The following IQCJ variants were observed in gnomAD, a reference collection of about 807,000 sequenced individuals.
The protein encoded by IQCJ is IQ motif containing J.
IQCJ carries 9 observed loss-of-function variants against 11.0 expected under a neutral mutation model. That is an observed-to-expected ratio of 0.82 (90% confidence interval 0.49 to 1.43). IQCJ has a LOEUF of 1.43. IQCJ is among the 40% of genes most tolerant of loss of function. IQCJ has a pLI of 0.00. For missense variants in IQCJ, 146 were observed against 133.2 expected (o/e 1.10, Z -0.47); for synonymous variants, 55 against 51.3 (o/e 1.07, Z -0.31).
intron 1 of IQCJ, among the ~76,000 whole-genome samples, chr3:159,156,972 T>TA (rs1252315117): frequency 6.6e-6 from 1 of 152,222 alleles, no homozygotes; most frequent in Non-Finnish European, 1.5e-5. Context: ...TGGCTGTTTT[T>TA]ACCAATGGAC....
At position 159,089,646 on chromosome 3, in the gene IQCJ, C is replaced by T. The variant is rs1029081215; in HGVS notation, c.9+20205C>T. On this transcript the variant is annotated intron_variant, in intron 1 of 3. Coordinates refer to ENST00000397832, the MANE Select transcript of IQCJ (RefSeq NM_001042706.3). ...TTTTATTCTTTTTTCTCTAAACTTC[C>T]CTTCTCGCTTCATTTCATTCATTTC... is the stretch of plus-strand genomic sequence containing the variant. Among the ~76,000 whole-genome samples, 11 of 151,720 alleles carry T rather than the reference C, an allele frequency of 7.3e-5. 2 individuals carry two copies. Among genetic ancestry groups the T allele is most frequent in the African/African-American group, 2.2e-4 (9 of 41,120 alleles).
chr3:159,212,211 A>T (rs1724996054), intron 1 of IQCJ, among the ~76,000 whole-genome samples: 1 of 151,974 alleles, frequency 6.6e-6, no homozygotes, highest in African/African-American at 2.4e-5. Flanking sequence ...ATAAATTCTG[A>T]GCTATCTTTT....
At chr3:159,135,786 GC>G (rs995062689) in intron 1 of IQCJ, among the ~76,000 whole-genome samples, 1 of 152,166 alleles carries the variant, frequency 6.6e-6, no homozygotes, top group Non-Finnish European at 1.5e-5. Flanking sequence ...GGGAAACTTA[GC>G]AGCAGTTTCT....
At chr3:159,162,939 C>T (rs1443902415) in intron 1 of IQCJ, among the ~76,000 whole-genome samples, 1 of 152,128 alleles carries the variant, frequency 6.6e-6, no homozygotes, top group Non-Finnish European at 1.5e-5. Context: ...CAGTAGCTTA[C>T]CAACTAAAAA....
intron 1 of IQCJ, among the ~76,000 whole-genome samples, chr3:159,177,897 G>A (rs4513505): frequency 1.3e-5 from 2 of 152,152 alleles, no homozygotes; most frequent in Non-Finnish European, 2.9e-5. Flanking sequence ...CCTCAATTTA[G>A]TTCAACTCAA....
rs13314232 is a variant in IQCJ at position 159,153,285 on chromosome 3, G to A, written c.9+83844G>A. On this transcript the variant is annotated intron_variant, in intron 1 of 3. Transcript: ENST00000397832. ...GGCAGATTAAGAAACTTTCCTGTAG[G>A]AGCTCTGTTAGCCAACTTTCCCTTA... Among the ~76,000 whole-genome samples, 2 of 151,964 alleles carry A rather than the reference G, an allele frequency of 1.3e-5. 1 individual carries two copies. The highest frequency in any genetic ancestry group is 4.8e-5 in the African/African-American group (2 of 41,412).
intron 1 of IQCJ, among the ~76,000 whole-genome samples, chr3:159,237,652 C>T (rs1357932108): frequency 6.6e-6 from 1 of 152,158 alleles, no homozygotes; most frequent in South Asian, 2.1e-4. Context: ...CTGGATTGTA[C>T]TTGAATAATT....
At chr3:159,109,539 A>AAAAAAAC (rs1355325556) in intron 1 of IQCJ, among the ~76,000 whole-genome samples, 1 of 151,340 alleles carries the variant, frequency 6.6e-6, no homozygotes, top group Non-Finnish European at 1.5e-5. Flanking sequence ...AAAAAAAAAA[A>AAAAAAAC]AAAAAAACCA....
chr3:159,217,870 C>G (rs1725319843), intron 1 of IQCJ, among the ~76,000 whole-genome samples: 1 of 152,142 alleles, frequency 6.6e-6, no homozygotes, highest in Non-Finnish European at 1.5e-5. Flanking sequence ...AGAGCCTGTT[C>G]TTCCTTCTAG....
At chr3:159,200,061 A>G (rs1724225830) in intron 1 of IQCJ, among the ~76,000 whole-genome samples, 1 of 115,406 alleles carries the variant, frequency 8.7e-6, no homozygotes, top group Non-Finnish European at 1.8e-5. Flanking sequence ...TCTAAATTAT[A>G]TATATATGTG....
chr3:159,218,511 T>G (rs1445012969), intron 1 of IQCJ, among the ~76,000 whole-genome samples: 2 of 152,154 alleles, frequency 1.3e-5, no homozygotes, highest in African/African-American at 4.8e-5. Context: ...AGAAGTTTTT[T>G]GAACCAGTTT....
At chr3:159,083,718 T>C (rs926672509) in intron 1 of IQCJ, among the ~76,000 whole-genome samples, 2 of 152,160 alleles carry the variant, frequency 1.3e-5, no homozygotes, top group East Asian at 1.9e-4. Context: ...CAGTATACTT[T>C]AATGTGTGAC....
chr3:159,136,190 C>T (rs886090568), intron 1 of IQCJ, among the ~76,000 whole-genome samples: 2 of 152,022 alleles, frequency 1.3e-5, no homozygotes, highest in South Asian at 2.1e-4. Context: ...CCTTTTTATT[C>T]GTAAGAAAAT....
At chr3:159,079,152 G>T (rs1019323591) in intron 1 of IQCJ, among the ~76,000 whole-genome samples, 12 of 152,020 alleles carry the variant, frequency 7.9e-5, no homozygotes, top group African/African-American at 2.2e-4. Flanking sequence ...CTAAGCATGG[G>T]CAGGAAAGCT....
downstream of IQCJ, chr3:159,263,760 G>A (rs765397174): frequency 1.2e-4 from 115 of 985,162 alleles, 1 homozygote; most frequent in Middle Eastern, 1.5e-3. Context: ...GTTTTGCCTA[G>A]ATATGGATTT....
chr3:159,159,337 T>C (rs1243210675), intron 1 of IQCJ, among the ~76,000 whole-genome samples: 4 of 152,084 alleles, frequency 2.6e-5, no homozygotes, highest in Non-Finnish European at 5.9e-5. Context: ...ATCAAGTATA[T>C]TCAAGTATAT....
chr3:159,069,517 G>T, intron 1 of IQCJ, 76 bp downstream of exon 1: 2 of 1,547,864 alleles, frequency 1.3e-6, no homozygotes, highest in South Asian at 2.5e-5. Flanking sequence ...TTAAAAATCT[G>T]TCTTCTGAAT....
chr3:159,109,510 GC>G (rs1718480481), intron 1 of IQCJ, among the ~76,000 whole-genome samples: 1 of 124,302 alleles, frequency 8.0e-6, no homozygotes, highest in African/African-American at 2.9e-5. Context: ...CTGTAGAGTA[GC>G]CTTACTTGTA....
chr3:159,131,947 T>TACACAC (rs139886905), intron 1 of IQCJ, among the ~76,000 whole-genome samples: 3 of 150,130 alleles, frequency 2.0e-5, no homozygotes, highest in African/African-American at 4.9e-5. Flanking sequence ...TTACATTAAG[T>TACACAC]ACACACACAC....
Sources: gnomAD v4.1 joint callset for allele counts (sites outside exome capture counted in the v4.1 genomes callset) on GRCh38, gnomAD v4.1.1 for gene constraint, MANE v1.5 for transcripts, NCBI Gene and HGNC (gene_info 2026-07-23, HGNC 2026-07-21) for gene names.